Variants in AKAP19 observed in about 807,000 individuals in gnomAD.
AKAP19 encodes A-kinase anchoring protein 19, also known as small A-kinase anchoring protein.
At chr2:189,916,810 G>T in the AKAP19 span, among the ~76,000 whole-genome samples, 2 of 152,058 alleles carry the variant, frequency 1.3e-5, no homozygotes, top group Non-Finnish European at 2.9e-5. Context: ...TTACTCCTGG[G>T]TAGTATTCCT....
chr2:189,968,298 C>T, the AKAP19 span, among the ~76,000 whole-genome samples: 1 of 152,060 alleles, frequency 6.6e-6, no homozygotes. Flanking sequence ...AGTGCAGTGG[C>T]CTGATCATAG....
chr2:190,192,195 A>T, the AKAP19 span, among the ~76,000 whole-genome samples: 1 of 151,994 alleles, frequency 6.6e-6, no homozygotes, highest in Non-Finnish European at 1.5e-5. Context: ...TTCCAATCCC[A>T]TTTGTTGAAA....
chr2:190,151,602 G>T, the AKAP19 span, among the ~76,000 whole-genome samples: 5 of 152,166 alleles, frequency 3.3e-5, no homozygotes, highest in African/African-American at 7.2e-5. Context: ...TCTTTATCCA[G>T]TCTATCATTG....
the AKAP19 span, among the ~76,000 whole-genome samples, chr2:189,905,529 T>C: frequency 3.1e-4 from 47 of 152,118 alleles, no homozygotes; most frequent in Non-Finnish European, 5.7e-4. Context: ...AAAGGAAATT[T>C]TATCCTTTTG....
At chr2:190,031,761 T>C in the AKAP19 span, among the ~76,000 whole-genome samples, 8,006 of 152,218 alleles carry the variant, frequency 0.053, 737 homozygotes, top group African/African-American at 0.18. Flanking sequence ...GATAACATGC[T>C]TAAAAGGGCT....
chr2:190,086,158 A>G, the AKAP19 span, among the ~76,000 whole-genome samples: 57 of 152,352 alleles, frequency 3.7e-4, no homozygotes, highest in East Asian at 8.3e-3. Context: ...GGATGTTAAC[A>G]TACACATAGA....
chr2:190,163,710 A>G, the AKAP19 span, among the ~76,000 whole-genome samples: 1 of 152,240 alleles, frequency 6.6e-6, no homozygotes, highest in Non-Finnish European at 1.5e-5. Context: ...GGATACATAC[A>G]TAAAATGTAG....
At chr2:190,102,235 TAGAA>T in the AKAP19 span, among the ~76,000 whole-genome samples, 5 of 151,836 alleles carry the variant, frequency 3.3e-5, no homozygotes, top group African/African-American at 9.7e-5. Flanking sequence ...CTCAAAAAAT[TAGAA>T]AGACCCCAAA....
At chr2:190,175,456 T>C in the AKAP19 span, among the ~76,000 whole-genome samples, 1 of 152,230 alleles carries the variant, frequency 6.6e-6, no homozygotes, top group Non-Finnish European at 1.5e-5. Flanking sequence ...GAGATACTAT[T>C]CCACAATAGT....
the AKAP19 span, among the ~76,000 whole-genome samples, chr2:190,022,768 T>A: frequency 8.3e-6 from 1 of 119,842 alleles, no homozygotes; most frequent in Non-Finnish European, 1.8e-5. Flanking sequence ...ATTCTATAAT[T>A]TTTTTTTTTG....
At chr2:190,081,083 G>A in the AKAP19 span, among the ~76,000 whole-genome samples, 4 of 152,214 alleles carry the variant, frequency 2.6e-5, no homozygotes, top group East Asian at 7.7e-4. Context: ...ATACTGAGAG[G>A]GTCTGCAGAA....
the AKAP19 span, chr2:189,930,508 C>T: frequency 4.7e-6 from 1 of 210,902 alleles, no homozygotes; most frequent in Admixed American, 5.7e-5. Flanking sequence ...GAAACCCCGT[C>T]TCTACTAAAA....
the AKAP19 span, among the ~76,000 whole-genome samples, chr2:189,897,416 T>C: frequency 6.6e-6 from 1 of 152,180 alleles, no homozygotes; most frequent in Admixed American, 6.5e-5. Context: ...TCTATTAAGC[T>C]AATGAAAGCC....
chr2:190,148,052 G>T, the AKAP19 span, among the ~76,000 whole-genome samples: 1 of 152,048 alleles, frequency 6.6e-6, no homozygotes, highest in Non-Finnish European at 1.5e-5. Flanking sequence ...TGTTGAAGAC[G>T]AGTGGTGAGG....
At chr2:190,111,620 A>G in the AKAP19 span, among the ~76,000 whole-genome samples, 1 of 152,136 alleles carries the variant, frequency 6.6e-6, no homozygotes, top group Non-Finnish European at 1.5e-5. Flanking sequence ...GCACTTATGC[A>G]GGCAATAATA....
the AKAP19 span, among the ~76,000 whole-genome samples, chr2:190,074,770 T>C: frequency 1.3e-5 from 2 of 152,118 alleles, no homozygotes; most frequent in South Asian, 2.1e-4. Flanking sequence ...ATATAATAAA[T>C]GGTATTGGGA....
At chr2:190,056,016 T>C in the AKAP19 span, 3 of 152,562 alleles carry the variant, frequency 2.0e-5, no homozygotes, top group Non-Finnish European at 4.4e-5. Flanking sequence ...CAGTAAACCA[T>C]TGAAATTTCA....
At chr2:190,184,600 G>A in the AKAP19 span, among the ~76,000 whole-genome samples, 73 of 152,276 alleles carry the variant, frequency 4.8e-4, no homozygotes, top group African/African-American at 1.7e-3. Context: ...TTCAGTTCAA[G>A]AACAGAATTC....
At chr2:189,943,031 G>T in the AKAP19 span, among the ~76,000 whole-genome samples, 1 of 152,222 alleles carries the variant, frequency 6.6e-6, no homozygotes, top group Non-Finnish European at 1.5e-5. Context: ...TTTTTCAGGA[G>T]AGGAATTCAA....
Sources: allele counts gnomAD v4.1 joint callset (sites outside exome capture counted in the v4.1 genomes callset), GRCh38; gene constraint gnomAD v4.1.1; transcripts MANE v1.5; gene names NCBI Gene and HGNC (gene_info 2026-07-23, HGNC 2026-07-21).